PALS1: variants seen among roughly 807,000 people sequenced by gnomAD.
The protein encoded by PALS1 is protein PALS1.
PALS1 carries 31 observed loss-of-function variants against 78.9 expected under a neutral mutation model. The ratio of observed to expected loss-of-function variants is 0.39; its 90% CI spans 0.30 to 0.53. The LOEUF is 0.53. Among genes scored for constraint, PALS1 ranks in the 20% least tolerant of loss-of-function variants. PALS1 has a pLI of 0.67. For missense variants in PALS1, 704 were observed against 826.5 expected (o/e 0.85, Z 1.82); for synonymous variants, 276 against 270.9 (o/e 1.02, Z -0.18).
chr14:67,244,756 A>G (rs2083962223), intron 1 of PALS1, among the ~76,000 whole-genome samples: 1 of 152,236 alleles, frequency 6.6e-6, no homozygotes, highest in African/African-American at 2.4e-5. Flanking sequence ...TTAAAATTAA[A>G]AAAAGACCTA....
chr14:67,334,597 A>C lies in PALS1; in HGVS notation c.*1641A>C, dbSNP rs1006504537. Reference sequence around the variant, plus strand: ...TTTATATGTCGCCTTTTTCTGTTCAAATTTGCATGGCCTATTAAGTTGGCT... The same window carrying C: ...TTTATATGTCGCCTTTTTCTGTTCACATTTGCATGGCCTATTAAGTTGGCT... On this transcript the variant is annotated 3_prime_UTR_variant, in exon 15 of 15. Transcript: ENST00000261681. The C allele has an allele frequency of 1.3e-5, 2 of 152,482 alleles. No homozygotes were observed. The highest frequency in any genetic ancestry group is 4.8e-5 in the African/African-American group (2 of 41,376). The allele number at this position is 152,482 out of a possible 1,614,324, so 9.4% of individuals were successfully genotyped here.
At chr14:67,270,806 C>T (rs886916903) in intron 2 of PALS1, 3 of 151,984 alleles carry the variant, frequency 2.0e-5, no homozygotes, top group Non-Finnish European at 4.4e-5. Context: ...ATTAAATTAA[C>T]TTGTGAGCAT....
At chr14:67,308,502 T>C (rs1372709956) in intron 8 of PALS1, among the ~76,000 whole-genome samples, 1 of 151,488 alleles carries the variant, frequency 6.6e-6, no homozygotes, top group Non-Finnish European at 1.5e-5. Flanking sequence ...GGAATATAGA[T>C]CCTGAGTTTT....
At chr14:67,277,468 G>A (rs1223979093) in intron 2 of PALS1, among the ~76,000 whole-genome samples, 2 of 152,112 alleles carry the variant, frequency 1.3e-5, no homozygotes, top group African/African-American at 2.4e-5. Flanking sequence ...AGATTGGCTG[G>A]TATTAGGAAT....
chr14:67,316,118 A>G (rs2140969360), intron 9 of PALS1, among the ~76,000 whole-genome samples: 1 of 152,342 alleles, frequency 6.6e-6, no homozygotes. Context: ...AAAAAAGTGG[A>G]ACCTCAACGT....
At position 67,279,033 on chromosome 14, in the gene PALS1, A is replaced by T; in HGVS notation, c.-138A>T. ...TTCCCCTTAGATTTCCTTCATGGAT[A>T]CTTTTTCATAGCATTATTATGTGAT... On this transcript the variant is annotated 5_prime_UTR_variant, in exon 3 of 15. Transcript: ENST00000261681. The T allele has an allele frequency of 2.7e-6, 2 of 749,264 alleles. No individual in the cohort carries two copies. The highest frequency in any genetic ancestry group is 3.9e-6 in the Non-Finnish European group (2 of 514,150). The allele number at this position is 749,264 out of a possible 1,614,324, so 46.4% of individuals were successfully genotyped here. A position where few individuals can be genotyped will look rare whatever the true frequency, so the allele number is the denominator to read the frequency against.
At chr14:67,290,487 T>C (rs896403712) in intron 3 of PALS1, among the ~76,000 whole-genome samples, 4 of 152,188 alleles carry the variant, frequency 2.6e-5, no homozygotes, top group African/African-American at 9.7e-5. Context: ...CAGTGGATTC[T>C]CCCACCTCAG....
intron 1 of PALS1, among the ~76,000 whole-genome samples, chr14:67,262,046 A>C (rs888153909): frequency 6.6e-6 from 1 of 152,148 alleles, no homozygotes; most frequent in African/African-American, 2.4e-5. Context: ...TACCCATCTG[A>C]ATTTTAGTTA....
At chr14:67,297,778 A>T (rs937915530) in intron 4 of PALS1, among the ~76,000 whole-genome samples, 1 of 152,156 alleles carries the variant, frequency 6.6e-6, no homozygotes, top group African/African-American at 2.4e-5. Context: ...CTTTCATTGA[A>T]TTCATTAAAT....
At chr14:67,246,649 GT>G (rs71129814) in intron 1 of PALS1, among the ~76,000 whole-genome samples, 239 of 112,212 alleles carry the variant, frequency 2.1e-3, no homozygotes, top group African/African-American at 6.3e-3. Context: ...CCTACTATAG[GT>G]TTTTTTTTTT....
intron 14 of PALS1, among the ~76,000 whole-genome samples, chr14:67,324,318 TGAC>T (rs1209012452): frequency 1.3e-5 from 2 of 152,194 alleles, no homozygotes; most frequent in African/African-American, 4.8e-5. Context: ...CATTAATAAT[TGAC>T]TGATAACATG....
intron 14 of PALS1, among the ~76,000 whole-genome samples, chr14:67,332,100 T>C (rs995579116): frequency 6.6e-6 from 1 of 152,206 alleles, no homozygotes; most frequent in Admixed American, 6.5e-5. Flanking sequence ...CATTTTGTCT[T>C]GAGTTTAAGT....
rs1179572874 is a variant in PALS1 at position 67,309,481 on chromosome 14, G to A, written c.1042-3046G>A. ...CTTAATTTTAGGGTATATTTTAGAT[G>A]GGACTAGAGAAACTTGTCACATAAG... On this transcript the variant is annotated intron_variant, in intron 8 of 14. Transcript: ENST00000261681. Among the ~76,000 whole-genome samples the A allele has an allele frequency of 3.3e-5, 5 of 152,110 alleles. No individual in the cohort carries two copies. The East Asian group carries it at 7.7e-4, about 23-fold the overall frequency.
chr14:67,299,636 A>C (rs1478400364), intron 4 of PALS1, among the ~76,000 whole-genome samples: 2 of 152,186 alleles, frequency 1.3e-5, no homozygotes, highest in African/African-American at 4.8e-5. Context: ...ATAGCCTTTT[A>C]ATTCCTTAAC....
At chr14:67,255,249 A>G (rs2084128684) in intron 1 of PALS1, among the ~76,000 whole-genome samples, 1 of 152,216 alleles carries the variant, frequency 6.6e-6, no homozygotes, top group South Asian at 2.1e-4. Flanking sequence ...GGAATGAAGA[A>G]AATCTGCATG....
intron 3 of PALS1, among the ~76,000 whole-genome samples, chr14:67,288,531 T>C (rs1302790128): frequency 6.6e-6 from 1 of 152,232 alleles, no homozygotes; most frequent in Admixed American, 6.5e-5. Context: ...AATTAAACAG[T>C]AATTTAATTG....
chr14:67,278,887 AATCTACTT>A, intron 2 of PALS1, 123 bp from the exon 3 acceptor site: 1 of 200,840 alleles, frequency 5.0e-6, no homozygotes, highest in Non-Finnish European at 1.0e-5. Context: ...GAAAGTACTT[AATCTACTT>A]AACAAAATAA....
intron 14 of PALS1, among the ~76,000 whole-genome samples, chr14:67,328,646 A>C (rs2085396608): frequency 6.6e-6 from 1 of 152,188 alleles, no homozygotes; most frequent in Non-Finnish European, 1.5e-5. Flanking sequence ...TCTTGAATTA[A>C]CTTTTGTATA....
At chr14:67,291,714 T>C (rs1010891670) in intron 3 of PALS1, among the ~76,000 whole-genome samples, 2 of 152,254 alleles carry the variant, frequency 1.3e-5, no homozygotes, top group African/African-American at 4.8e-5. Context: ...GAGACTCACA[T>C]ATTCATTAGA....
Sources: allele counts gnomAD v4.1 joint callset (sites outside exome capture counted in the v4.1 genomes callset), GRCh38; gene constraint gnomAD v4.1.1; transcripts MANE v1.5; gene names NCBI Gene and HGNC (gene_info 2026-07-23, HGNC 2026-07-21).